DSE: variants seen among roughly 807,000 people sequenced by gnomAD.
DSE encodes dermatan-sulfate epimerase.
A neutral mutation model predicts 84.4 loss-of-function variants in DSE; 36 were observed. That is an observed-to-expected ratio of 0.43 (90% confidence interval 0.33 to 0.56). The LOEUF (loss-of-function observed/expected upper bound fraction) is 0.56, where lower values mean the gene tolerates loss of function less well. DSE is among the 20% of genes least tolerant of loss of function. DSE has a pLI of 0.06. For missense variants in DSE, 862 were observed against 1,169.6 expected, an observed-to-expected ratio of 0.74 and a Z score of 3.84; for synonymous variants, 410 against 430.1, an observed-to-expected ratio of 0.95 and a Z score of 0.58.
At chr6:116,275,744 G>A (rs1356015522) in intron 2 of DSE, among the ~76,000 whole-genome samples, 1 of 151,196 alleles carries the variant, frequency 6.6e-6, no homozygotes, top group East Asian at 1.9e-4. Flanking sequence ...AAGTTGCAGT[G>A]AGCCGAGATC....
At chr6:116,290,505 G>A (rs1318870596) in intron 2 of DSE, among the ~76,000 whole-genome samples, 1 of 152,078 alleles carries the variant, frequency 6.6e-6, no homozygotes, top group Non-Finnish European at 1.5e-5. Flanking sequence ...TAAATTAACA[G>A]TATTTCTAGA....
At chr6:116,380,219 A>G (rs1780142126) in intron 1 of DSE, among the ~76,000 whole-genome samples, 1 of 152,136 alleles carries the variant, frequency 6.6e-6, no homozygotes, top group African/African-American at 2.4e-5. Flanking sequence ...GGATTTAGTC[A>G]TTGAGTAAGT....
At chr6:116,419,672 A>G (rs768112936) in intron 2 of DSE, among the ~76,000 whole-genome samples, 1 of 152,186 alleles carries the variant, frequency 6.6e-6, no homozygotes, top group African/African-American at 2.4e-5. Context: ...AGAGTTTGCA[A>G]TTTCTAAGGA....
At chr6:116,259,432 TAAAG>T (rs1772307225) in intron 2 of DSE, among the ~76,000 whole-genome samples, 1 of 152,218 alleles carries the variant, frequency 6.6e-6, no homozygotes, top group South Asian at 2.1e-4. Flanking sequence ...AGCTTTATGA[TAAAG>T]TTCTGGAGGA....
rs528433445 is a variant in DSE at position 116,268,872 on chromosome 6, C to G, written c.-54+9905C>G. Among the ~76,000 whole-genome samples the G allele has an allele frequency of 1.9e-4, 29 of 152,234 alleles. 1 individual carries two copies. The South Asian group carries it at 5.8e-3, about 31-fold the overall frequency. Reference sequence around the variant, plus strand: ...AATAGATCATATTTCAGTAAAATAACTGTGGCATAGTTTCTCACATATGTT... The same window carrying G: ...AATAGATCATATTTCAGTAAAATAAGTGTGGCATAGTTTCTCACATATGTT... On this transcript the variant is annotated intron_variant, in intron 2 of 3. Transcript: ENST00000430252.
At chr6:116,355,908 A>G (rs1778543126) in intron 2 of DSE, 1 of 152,230 alleles carries the variant, frequency 6.6e-6, no homozygotes, top group African/African-American at 2.4e-5. Context: ...TAACAAGACA[A>G]TTACACTGTC....
Position 116,426,748 on chromosome 6 carries a change from G to A in DSE, c.591G>A (p.Trp197Ter). The change falls in exon 3 of 6, where the codon TGG becomes TGA. Residue 197 changes from tryptophan to a stop codon, truncating the protein, a stop_gained. Transcript: ENST00000644252. LOFTEE classifies it high-confidence loss of function. ...YMYETSYRRGWGFQYLHNHQP... is the reference protein window; with the variant it reads ...YMYETSYRRG ...ATGAAACTTCATACAGGAGAGGATG[G>A]GGATTTCAATACCTGCACAATCATC... The A allele has an allele frequency of 6.2e-7, 1 of 1,614,144 alleles. No homozygotes were observed. Among genetic ancestry groups the A allele is most frequent in the Non-Finnish European group, 8.5e-7 (1 of 1,180,040 alleles).
chr6:116,366,759 G>A (rs1779186017), upstream of DSE: 2 of 152,186 alleles, frequency 1.3e-5, no homozygotes. Context: ...AAACATAATT[G>A]TTATGTGGTC....
upstream of DSE, chr6:116,370,727 G>A: frequency 1.2e-6 from 1 of 806,640 alleles, no homozygotes; most frequent in Non-Finnish European, 1.5e-6. Flanking sequence ...AGCTGCGAGC[G>A]GCGAGTCCCG....
rs1254448205 is a variant in DSE at position 116,441,356 on chromosome 6, T to C, written c.*4011T>C. 6.6e-6 allele frequency: 1 copy of C among 152,200 alleles called. No individual in the cohort carries two copies. Among genetic ancestry groups the C allele is most frequent in the Non-Finnish European group, 1.5e-5 (1 of 68,032 alleles). The allele number at this position is 152,200 out of a possible 1,614,324, so 9.4% of individuals were successfully genotyped here. ...TGGCATAAATTATGAACATACATGATTGAAAAAGTATAGTACTAGAAGCCT... is the reference window on the plus strand; with the variant it reads ...TGGCATAAATTATGAACATACATGACTGAAAAAGTATAGTACTAGAAGCCT... On this transcript the variant is annotated 3_prime_UTR_variant, in exon 6 of 6. Transcript: ENST00000644252.
At chr6:116,363,163 A>G (rs1175724525) in intron 2 of DSE, among the ~76,000 whole-genome samples, 2 of 152,080 alleles carry the variant, frequency 1.3e-5, no homozygotes, top group East Asian at 3.9e-4. Context: ...TGTATCCTAT[A>G]TCTATTTCTA....
intron 2 of DSE, among the ~76,000 whole-genome samples, chr6:116,261,748 C>T (rs1303988390): frequency 6.6e-6 from 1 of 152,102 alleles, no homozygotes; most frequent in Non-Finnish European, 1.5e-5. Context: ...TCATAGATGG[C>T]TCTTGTTATT....
At chr6:116,339,314 CT>C (rs59525124) in intron 2 of DSE, among the ~76,000 whole-genome samples, 6,823 of 145,414 alleles carry the variant, frequency 0.047, 251 homozygotes, top group African/African-American at 0.098. Context: ...TTCTTCCTTT[CT>C]TTTTTTTTTT....
chr6:116,326,615 T>C (rs1776637280), intron 2 of DSE, among the ~76,000 whole-genome samples: 1 of 152,214 alleles, frequency 6.6e-6, no homozygotes, highest in African/African-American at 2.4e-5. Context: ...AGTCCTACAC[T>C]GTGTCTCTCT....
intron 2 of DSE, among the ~76,000 whole-genome samples, chr6:116,266,021 C>T (rs1430377279): frequency 6.6e-6 from 1 of 152,178 alleles, no homozygotes; most frequent in East Asian, 1.9e-4. Flanking sequence ...TAGGTTGCTC[C>T]TTGCCAGTTC....
chr6:116,290,574 A>G (rs907843127), intron 2 of DSE, among the ~76,000 whole-genome samples: 1 of 152,116 alleles, frequency 6.6e-6, no homozygotes, highest in Non-Finnish European at 1.5e-5. Context: ...AGGATATAAG[A>G]GCTCTAGCAA....
At chr6:116,372,223 C>G (rs1282943587) in intron 1 of DSE, among the ~76,000 whole-genome samples, 1 of 152,206 alleles carries the variant, frequency 6.6e-6, no homozygotes, top group East Asian at 1.9e-4. Context: ...AATCCCAGTA[C>G]TTTGGGAGGC....
chr6:116,409,595 A>G (rs749344381), intron 2 of DSE, among the ~76,000 whole-genome samples: 13 of 152,196 alleles, frequency 8.5e-5, no homozygotes, highest in South Asian at 6.2e-4. Context: ...AGTTTATTGT[A>G]TACTTGCTCT....
At chr6:116,392,100 GA>G (rs1780947249) in intron 1 of DSE, among the ~76,000 whole-genome samples, 1 of 152,218 alleles carries the variant, frequency 6.6e-6, no homozygotes, top group Non-Finnish European at 1.5e-5. Context: ...TAGCAACAGT[GA>G]AATAGTATGT....
Sources: gnomAD v4.1 joint callset for allele counts (sites outside exome capture counted in the v4.1 genomes callset) on GRCh38, gnomAD v4.1.1 for gene constraint, MANE v1.5 for transcripts, NCBI Gene and HGNC (gene_info 2026-07-23, HGNC 2026-07-21) for gene names.